The following SGCZ variants were observed in gnomAD, a reference collection of about 807,000 sequenced individuals.
SGCZ encodes zeta-sarcoglycan.
A neutral mutation model predicts 41.3 loss-of-function variants in SGCZ; 40 were observed. The observed-to-expected ratio is 0.97, with a 90% CI of 0.75 to 1.26. SGCZ has a LOEUF of 1.26. Among genes scored for constraint, SGCZ ranks in the 50% most tolerant of loss-of-function variants. SGCZ has a pLI of 0.00. For synonymous variants in SGCZ, 206 were observed against 137.5 expected (o/e 1.50, Z -3.49); for missense variants, 552 against 369.8 (o/e 1.49, Z -4.04).
chr8:14,211,743 C>T (rs548673704), intron 4 of SGCZ, among the ~76,000 whole-genome samples: 1 of 151,490 alleles, frequency 6.6e-6, no homozygotes, highest in Non-Finnish European at 1.5e-5. Flanking sequence ...ACAAGAACAG[C>T]CGGGGGAAAT....
chr8:14,486,003 G>A (rs1031637493), intron 2 of SGCZ, among the ~76,000 whole-genome samples: 7 of 151,720 alleles, frequency 4.6e-5, no homozygotes, highest in Non-Finnish European at 8.8e-5. Flanking sequence ...CACCGCGCCC[G>A]GCTAATTTTT....
intron 1 of SGCZ, among the ~76,000 whole-genome samples, chr8:14,614,537 A>T (rs1490942310): frequency 6.6e-6 from 1 of 152,168 alleles, no homozygotes; most frequent in Non-Finnish European, 1.5e-5. Flanking sequence ...TATCTATTAA[A>T]GACTATTTAA....
chr8:14,662,377 G>T (rs181621986), intron 1 of SGCZ, among the ~76,000 whole-genome samples: 86 of 152,244 alleles, frequency 5.6e-4, no homozygotes, highest in Non-Finnish European at 1.2e-3. Flanking sequence ...GCAATATTAT[G>T]TTTTCCACAT....
chr8:14,916,835 T>TA (rs1799452764), intron 1 of SGCZ, among the ~76,000 whole-genome samples: 1 of 152,182 alleles, frequency 6.6e-6, no homozygotes, highest in South Asian at 2.1e-4. Context: ...GGGTACTTTG[T>TA]AAAAATAGAC....
chr8:14,852,134 C>CTTTA (rs1803352387), intron 1 of SGCZ, among the ~76,000 whole-genome samples: 1 of 152,078 alleles, frequency 6.6e-6, no homozygotes, highest in South Asian at 2.1e-4. Context: ...AGAGGCAATG[C>CTTTA]TTTAAGACTT....
intron 1 of SGCZ, among the ~76,000 whole-genome samples, chr8:15,033,613 C>T (rs1330801373): frequency 6.6e-6 from 1 of 152,118 alleles, no homozygotes; most frequent in Non-Finnish European, 1.5e-5. Context: ...TCCAAGCCCA[C>T]CACAGCATCG....
intron 2 of SGCZ, among the ~76,000 whole-genome samples, chr8:14,480,356 C>A (rs1801502294): frequency 6.6e-6 from 1 of 152,128 alleles, no homozygotes; most frequent in African/African-American, 2.4e-5. Context: ...ACACCATATT[C>A]TCTTATTTTT....
intron 2 of SGCZ, among the ~76,000 whole-genome samples, chr8:14,358,657 G>C (rs1186504291): frequency 6.6e-6 from 1 of 152,022 alleles, no homozygotes; most frequent in African/African-American, 2.4e-5. Flanking sequence ...TGCTGCCCAG[G>C]CTGGAGTGCA....
At chr8:15,003,269 G>C (rs1563427374) in intron 1 of SGCZ, among the ~76,000 whole-genome samples, 1 of 152,134 alleles carries the variant, frequency 6.6e-6, no homozygotes, top group Non-Finnish European at 1.5e-5. Context: ...ACGAAGCAGA[G>C]AGGGTTGCTG....
intron 3 of SGCZ, among the ~76,000 whole-genome samples, chr8:14,246,599 G>GAAA (rs71209032): frequency 8.2e-5 from 12 of 145,734 alleles, no homozygotes; most frequent in African/African-American, 3.0e-4. Context: ...AGTATAATAA[G>GAAA]AAAAAAAAAA....
chr8:14,472,298 TTTTA>T (rs1801234808), intron 2 of SGCZ, among the ~76,000 whole-genome samples: 1 of 152,238 alleles, frequency 6.6e-6, no homozygotes, highest in South Asian at 2.1e-4. Context: ...AAGGCTTATA[TTTTA>T]TTTAAGAAAG....
intron 1 of SGCZ, among the ~76,000 whole-genome samples, chr8:14,885,988 TA>T (rs1563339040): frequency 4.0e-3 from 53 of 13,228 alleles, no homozygotes; most frequent in South Asian, 0.013. Context: ...CTTTATGTTA[TA>T]TATATATATA....
intron 1 of SGCZ, among the ~76,000 whole-genome samples, chr8:15,099,779 A>G (rs554742766): frequency 6.6e-6 from 1 of 152,332 alleles, no homozygotes; most frequent in South Asian, 2.1e-4. Flanking sequence ...TATTTCATAT[A>G]TGTAAGACTG....
In SGCZ at chr8:14,114,766, C is replaced by T. The variant is rs972465200; in HGVS notation, c.548-6531G>A. On this transcript the variant is annotated intron_variant, in intron 5 of 7. Transcript: ENST00000382080. Reference sequence around the variant, plus strand: ...GACTAAAATATATCAGCACTGGAAACGATCCAGACTTCCATATGGCTCTCA... The same window carrying T: ...GACTAAAATATATCAGCACTGGAAATGATCCAGACTTCCATATGGCTCTCA... Among the ~76,000 whole-genome samples the T allele has an allele frequency of 8.6e-5, 13 of 152,024 alleles. No homozygotes were observed. In the East Asian group the frequency reaches 1.2e-3, roughly 14 times the overall value.
chr8:14,794,272 G>T (rs1441083530), intron 1 of SGCZ, among the ~76,000 whole-genome samples: 1 of 151,942 alleles, frequency 6.6e-6, no homozygotes, highest in African/African-American at 2.4e-5. Context: ...GTAAATAGTA[G>T]GATGCAATAG....
chr8:14,660,115 AC>A (rs1807700170), intron 1 of SGCZ, among the ~76,000 whole-genome samples: 3 of 152,124 alleles, frequency 2.0e-5, no homozygotes, highest in Non-Finnish European at 4.4e-5. Flanking sequence ...CTCCAGAACC[AC>A]GAGACAACAA....
chr8:14,646,013 TTAAAG>T (rs10553450), intron 1 of SGCZ, among the ~76,000 whole-genome samples: 83,033 of 151,350 alleles, frequency 0.55, 23,088 homozygotes, highest in Middle Eastern at 0.68. Flanking sequence ...CTTGAACAAA[TTAAAG>T]TAGCTTGTAG....
intron 1 of SGCZ, among the ~76,000 whole-genome samples, chr8:14,746,846 G>T (rs965486629): frequency 6.6e-6 from 1 of 152,058 alleles, no homozygotes; most frequent in East Asian, 1.9e-4. Flanking sequence ...GTATACAGAC[G>T]TAATGTTTTT....
rs184862132 is a variant in SGCZ, at chr8:14,156,042, G to A, written c.547+8538C>T. On this transcript the variant is annotated intron_variant, in intron 5 of 7. Coordinates refer to ENST00000382080, the MANE Select transcript of SGCZ (RefSeq NM_139167.4). ...ACCCCTATAGGGCACTTCTAGTCCT[G>A]AAGCTTGCAGGACGAGAAGTTGCTC... Among the ~76,000 whole-genome samples the A allele has an allele frequency of 1.3e-4, 20 of 152,290 alleles. No individual in the cohort carries two copies. The East Asian group carries it at 3.5e-3, about 26-fold the overall frequency.
Sources: allele counts gnomAD v4.1 joint callset (sites outside exome capture counted in the v4.1 genomes callset), GRCh38; gene constraint gnomAD v4.1.1; transcripts MANE v1.5; gene names NCBI Gene and HGNC (gene_info 2026-07-23, HGNC 2026-07-21).